Variants in PHIP observed in about 807,000 individuals in gnomAD.
PHIP encodes PHIP subunit of CUL4-Ring ligase complex, also known as PH-interacting protein.
A neutral mutation model predicts 236.8 loss-of-function variants in PHIP; 54 were observed. The ratio of observed to expected loss-of-function variants is 0.23; its 90% CI spans 0.18 to 0.29. The LOEUF (loss-of-function observed/expected upper bound fraction) is 0.29, where lower values mean the gene tolerates loss of function less well. PHIP is among the 10% of genes least tolerant of loss of function. The pLI, the probability that PHIP is intolerant of heterozygous loss-of-function variation, is 1.00. For synonymous variants in PHIP, 756 were observed against 718.9 expected, an observed-to-expected ratio of 1.05 and a Z score of -0.83; for missense variants, 1,370 against 2,190.8, an observed-to-expected ratio of 0.63 and a Z score of 7.48.
Position 79,015,186 on chromosome 6 carries a change from G to A in PHIP, c.1420C>T (p.Pro474Ser). Residue 474 changes from proline to serine, a missense_variant, in exon 15 of 40, where the codon CCA becomes TCA. This residue lies in a region of PHIP where 188 missense variants were observed against 354.3 expected (regional missense o/e 0.53). Coordinates refer to ENST00000275034, the MANE Select transcript of PHIP (RefSeq NM_017934.7). ...GHEDEVFVLE[P>S]HPFDPRVLFS... ...AGAACTCTAGGATCGAACGGGTGTG[G>A]TTCAAGAACAAATACCTCATCTTCA... 6.2e-7 allele frequency: 1 copy of A among 1,610,124 alleles called. No homozygotes were observed. Among genetic ancestry groups the A allele is most frequent in the South Asian group, 1.1e-5 (1 of 90,926 alleles).
chr6:79,041,149 G>A (rs1772189225), intron 7 of PHIP, among the ~76,000 whole-genome samples: 1 of 152,070 alleles, frequency 6.6e-6, no homozygotes, highest in South Asian at 2.1e-4. Context: ...TGCTGTTGTA[G>A]TGCACAGGCA....
chr6:78,946,756 T>C lies in PHIP; in HGVS notation c.4325A>G (p.Lys1442Arg). The C allele has an allele frequency of 6.3e-7, 1 of 1,591,252 alleles. No individual in the cohort carries two copies. ...AACAGAGCTGCTTCTGTTTCTTTTCTTCCTCCTTTTGGTTATGGTATTTCT... is the reference window on the plus strand; with the variant it reads ...AACAGAGCTGCTTCTGTTTCTTTTCCTCCTCCTTTTGGTTATGGTATTTCT... ...HKRNTITKRR[K>R]KRNRSSSVSS... The change falls in exon 37 of 40, where the codon AAG becomes AGG. Residue 1442 changes from lysine (K) to arginine (R), a missense_variant. Physicochemically the swap from Lys to Arg is conservative, Grantham distance 26 (BLOSUM62 2). Around this residue, in one of 14 missense-constraint regions of PHIP, gnomAD observed 125 missense variants for 235.1 expected, o/e 0.53. Coordinates refer to ENST00000275034, the MANE Select transcript of PHIP (RefSeq NM_017934.7).
chr6:78,998,522 T>C (rs1769773204), intron 17 of PHIP, 131 bp from the exon 18 acceptor site: 7 of 590,602 alleles, frequency 1.2e-5, no homozygotes, highest in Non-Finnish European at 1.7e-5. Context: ...TGATCAACTA[T>C]AAATGATGGG....
rs769629591 is a variant in PHIP, at chr6:78,970,757, T to C, written c.2997+24A>G. The C allele has an allele frequency of 3.5e-6, 5 of 1,425,980 alleles. No homozygotes were observed. The South Asian group carries it at 4.9e-5, about 14-fold the overall frequency. The allele number at this position is 1,425,980 out of a possible 1,614,324, so 88.3% of individuals were successfully genotyped here. A position where few individuals can be genotyped will look rare whatever the true frequency, so the allele number is the denominator to read the frequency against. On this transcript the variant is annotated intron_variant, in intron 25 of 39. Transcript: ENST00000275034. ...TTCCATAATTGTATTTTTGGGGCTA[T>C]TAAATAATAAATCAATGTCATACCC...
rs1464107667 is a variant in PHIP at position 79,015,125 on chromosome 6, C to T, written c.1481G>A (p.Trp494Ter). The change falls in exon 15 of 40, where the codon TGG (tryptophan) becomes TAG (stop). Residue 494 changes from tryptophan to a stop codon, truncating the protein, a stop_gained. Transcript: ENST00000275034. LOFTEE classifies it high-confidence loss of function. ...SAGHDGNVIV[W>*]DLARGVKIRS... ...TATTTTGACTCCTCTTGCCAGATCC[C>T]ACACTATCACGTTTCCATCATGACC... 6.2e-7 allele frequency: 1 copy of T among 1,611,402 alleles called. No homozygotes were observed. The highest frequency in any genetic ancestry group is 1.3e-5 in the African/African-American group (1 of 74,764).
At chr6:78,995,483 T>C (rs578160735) in intron 19 of PHIP, among the ~76,000 whole-genome samples, 2 of 152,348 alleles carry the variant, frequency 1.3e-5, no homozygotes, top group Admixed American at 1.3e-4. Context: ...ACATTCCCAC[T>C]AGCAATGCAT....
At chr6:79,052,354 A>T (rs184975077) in intron 6 of PHIP, among the ~76,000 whole-genome samples, 1 of 152,316 alleles carries the variant, frequency 6.6e-6, no homozygotes, top group East Asian at 1.9e-4. Flanking sequence ...CAACATGAAG[A>T]AGTCAAGATT....
At chr6:79,050,088 TGA>T (rs1275910259) in intron 6 of PHIP, among the ~76,000 whole-genome samples, 1 of 151,838 alleles carries the variant, frequency 6.6e-6, no homozygotes, top group African/African-American at 2.4e-5. Context: ...TTTAGAGTTA[TGA>T]GAGGTTTTTA....
intron 4 of PHIP, among the ~76,000 whole-genome samples, chr6:79,061,397 A>G (rs764414010): frequency 6.6e-6 from 1 of 152,274 alleles, no homozygotes; most frequent in South Asian, 2.1e-4. Context: ...GAATAACACT[A>G]TATTAGTTGT....
chr6:79,059,805 A>G (rs1338470849), intron 6 of PHIP, among the ~76,000 whole-genome samples: 1 of 151,732 alleles, frequency 6.6e-6, no homozygotes, highest in African/African-American at 2.4e-5. Flanking sequence ...AATTAGGAGT[A>G]CACTTAGAGA....
chr6:79,074,083 G>T (rs937651944), intron 4 of PHIP, among the ~76,000 whole-genome samples: 6 of 152,042 alleles, frequency 3.9e-5, no homozygotes, highest in Non-Finnish European at 8.8e-5. Flanking sequence ...TGTCAGCGGG[G>T]CTTAAAACCA....
intron 32 of PHIP, chr6:78,957,737 C>A (rs1192146504): frequency 6.6e-6 from 1 of 151,832 alleles, no homozygotes; most frequent in African/African-American, 2.4e-5. Context: ...AGTCTTTGTA[C>A]AAAATATAGA....
intron 7 of PHIP, among the ~76,000 whole-genome samples, chr6:79,028,332 A>C (rs943149231): frequency 1.3e-5 from 2 of 152,020 alleles, no homozygotes; most frequent in Non-Finnish European, 2.9e-5. Flanking sequence ...AATTAGGCTA[A>C]GACAGAAAGG....
chr6:79,028,986 A>T (rs1771530466), intron 7 of PHIP, among the ~76,000 whole-genome samples: 1 of 152,242 alleles, frequency 6.6e-6, no homozygotes, highest in South Asian at 2.1e-4. Context: ...ATTAAAATGT[A>T]ACAGGAAGTC....
At chr6:78,957,417 T>A (rs1766494210) in intron 32 of PHIP, 1 of 151,874 alleles carries the variant, frequency 6.6e-6, no homozygotes, top group Non-Finnish European at 1.5e-5. Context: ...AGCAATAGAT[T>A]TCTTAGAGAA....
intron 17 of PHIP, among the ~76,000 whole-genome samples, chr6:78,999,671 C>A (rs1769860589): frequency 6.6e-6 from 1 of 151,918 alleles, no homozygotes; most frequent in Admixed American, 6.6e-5. Flanking sequence ...ATGAGAAGAT[C>A]TGATCAGCTC....
At position 79,056,699 on chromosome 6, in the gene PHIP, T is replaced by A. The variant is rs138498366; in HGVS notation, c.439+3779A>T. On this transcript the variant is annotated intron_variant, in intron 6 of 39. Coordinates refer to ENST00000275034, the MANE Select transcript of PHIP (RefSeq NM_017934.7). ...TCCAGGAATTATCTGGCCCAAAATGTCTCAACAGTGCCAAGGTTAAAAAAC... is the reference window on the plus strand; with the variant it reads ...TCCAGGAATTATCTGGCCCAAAATGACTCAACAGTGCCAAGGTTAAAAAAC... Among the ~76,000 whole-genome samples, 965 of 152,138 alleles carry A rather than the reference T, an allele frequency of 6.3e-3. 10 individuals carry two copies. Among genetic ancestry groups the A allele is most frequent in the African/African-American group, 0.022 (924 of 41,512 alleles).
At chr6:78,984,890 T>C (rs1768770403) in intron 22 of PHIP, among the ~76,000 whole-genome samples, 1 of 152,188 alleles carries the variant, frequency 6.6e-6, no homozygotes, top group Non-Finnish European at 1.5e-5. Flanking sequence ...TCTGCAACAA[T>C]GTGAATCGCC....
intron 4 of PHIP, among the ~76,000 whole-genome samples, chr6:79,069,894 AATTC>A (rs1001383805): frequency 1.3e-5 from 2 of 152,224 alleles, no homozygotes; most frequent in African/African-American, 4.8e-5. Flanking sequence ...AACTGTTAAG[AATTC>A]ATTTAGATAA....
Sources: allele counts gnomAD v4.1 joint callset (sites outside exome capture counted in the v4.1 genomes callset), GRCh38; gene constraint gnomAD v4.1.1; regional missense constraint gnomAD v4.1.1; transcripts MANE v1.5; gene names NCBI Gene and HGNC (gene_info 2026-07-23, HGNC 2026-07-21).